Variants in KCNN2 observed in about 807,000 individuals in gnomAD.
KCNN2 encodes the protein small conductance calcium-activated potassium channel protein 2.
KCNN2 carries 24 observed loss-of-function variants against 55.5 expected under a neutral mutation model. The observed-to-expected ratio is 0.43, with a 90% CI of 0.31 to 0.61. KCNN2 has a LOEUF of 0.61. Ranked by LOEUF, KCNN2 falls within the 20% of genes least tolerant of loss-of-function variation. The pLI is 0.08. For synonymous variants in KCNN2, 431 were observed against 336.1 expected, an observed-to-expected ratio of 1.28 and a Z score of -3.09; for missense variants, 754 against 853.6, an observed-to-expected ratio of 0.88 and a Z score of 1.45.
intron 2 of KCNN2, among the ~76,000 whole-genome samples, chr5:114,398,754 T>C (rs1758696576): frequency 2.0e-5 from 3 of 152,168 alleles, no homozygotes; most frequent in African/African-American, 7.2e-5. Flanking sequence ...CAGAGATCTT[T>C]CATCTTCTTG....
At chr5:114,104,890 G>T (rs1400215899) in intron 1 of KCNN2, among the ~76,000 whole-genome samples, 6 of 152,006 alleles carry the variant, frequency 3.9e-5, no homozygotes, top group Non-Finnish European at 8.8e-5. Context: ...AAGATAAAGA[G>T]AGAGGATTGT....
At chr5:114,418,027 A>G (rs17353538) in intron 3 of KCNN2, among the ~76,000 whole-genome samples, 4,514 of 152,286 alleles carry the variant, frequency 0.03, 84 homozygotes, top group Middle Eastern at 0.054. Flanking sequence ...ATGTGTACCT[A>G]TCAGTTATAA....
intron 2 of KCNN2, among the ~76,000 whole-genome samples, chr5:114,332,139 C>T (rs1476507588): frequency 6.6e-6 from 1 of 152,082 alleles, no homozygotes; most frequent in Non-Finnish European, 1.5e-5. Flanking sequence ...ATTTCAAATG[C>T]CATGGAGATT....
intron 1 of KCNN2, among the ~76,000 whole-genome samples, chr5:114,067,850 A>G (rs1345001494): frequency 6.6e-6 from 1 of 152,228 alleles, no homozygotes; most frequent in Non-Finnish European, 1.5e-5. Context: ...ATTAATGACT[A>G]TTCTAAAATT....
chr5:114,159,723 T>C (rs571701465), intron 1 of KCNN2, among the ~76,000 whole-genome samples: 2 of 152,300 alleles, frequency 1.3e-5, no homozygotes, highest in Non-Finnish European at 2.9e-5. Context: ...CTTCCTGGTT[T>C]AGTCTTGGGA....
chr5:114,274,328 T>C (rs1755436189), intron 2 of KCNN2, among the ~76,000 whole-genome samples: 1 of 84,666 alleles, frequency 1.2e-5, no homozygotes, highest in African/African-American at 3.9e-5. Context: ...GGACTCTTTC[T>C]GGCTTCATAT....
intron 2 of KCNN2, among the ~76,000 whole-genome samples, chr5:114,334,316 C>T (rs1756879347): frequency 6.7e-6 from 1 of 148,830 alleles, no homozygotes; most frequent in African/African-American, 2.5e-5. Flanking sequence ...GTGTATAAGG[C>T]TCTGGCTGTT....
chr5:114,119,104 C>T (rs1473382238), intron 1 of KCNN2, among the ~76,000 whole-genome samples: 3 of 152,294 alleles, frequency 2.0e-5, no homozygotes, highest in Admixed American at 2.0e-4. Flanking sequence ...ATTACTAAAG[C>T]AGTATTGCCA....
intron 2 of KCNN2, among the ~76,000 whole-genome samples, chr5:114,263,661 T>C (rs1396414692): frequency 6.6e-6 from 1 of 152,178 alleles, no homozygotes; most frequent in African/African-American, 2.4e-5. Flanking sequence ...AAATTTTTTA[T>C]AAAATATAGA....
At chr5:114,297,943 G>T (rs565679852) in intron 2 of KCNN2, among the ~76,000 whole-genome samples, 1 of 152,148 alleles carries the variant, frequency 6.6e-6, no homozygotes, top group South Asian at 2.1e-4. Context: ...AAATGGAAAT[G>T]ATATTCCATT....
chr5:114,158,105 T>A (rs1752680477), intron 1 of KCNN2, among the ~76,000 whole-genome samples: 1 of 152,168 alleles, frequency 6.6e-6, no homozygotes, highest in East Asian at 1.9e-4. Context: ...TGGTATTGCC[T>A]AGGTTTTCTT....
In KCNN2 at chr5:114,475,482, C is replaced by G. The variant is rs1407350220; in HGVS notation, c.1890+2318C>G. 2.6e-5 allele frequency among the ~76,000 whole-genome samples: 4 copies of G among 152,196 alleles called. No homozygotes were observed. In the South Asian group the frequency reaches 6.2e-4, roughly 24 times the overall value. On this transcript the variant is annotated intron_variant, in intron 5 of 7. Coordinates refer to ENST00000673685, the MANE Select transcript of KCNN2 (RefSeq NM_021614.4). ...TGACATCTTAGAAAGGACAGTCTCT[C>G]TTAAAAGATACTGAGTCTACTGAAT...
chr5:114,485,121 T>C (rs147751320), intron 5 of KCNN2, among the ~76,000 whole-genome samples: 15 of 152,300 alleles, frequency 9.8e-5, no homozygotes, highest in Non-Finnish European at 1.5e-4. Context: ...GGAATACAAA[T>C]TGAAATCAAG....
At chr5:114,385,398 A>G (rs1261583699) in intron 2 of KCNN2, among the ~76,000 whole-genome samples, 3 of 152,150 alleles carry the variant, frequency 2.0e-5, no homozygotes, top group Non-Finnish European at 2.9e-5. Context: ...ATCAATGCCT[A>G]TAGTGTTGTG....
At chr5:114,411,086 A>T (rs1759117104) in intron 3 of KCNN2, among the ~76,000 whole-genome samples, 1 of 152,194 alleles carries the variant, frequency 6.6e-6, no homozygotes, top group African/African-American at 2.4e-5. Flanking sequence ...TCAAATTAGC[A>T]TAGAGAACCT....
chr5:114,248,801 C>G (rs1479072528), intron 2 of KCNN2, among the ~76,000 whole-genome samples: 1 of 152,244 alleles, frequency 6.6e-6, no homozygotes. Flanking sequence ...ATAATATTAA[C>G]AAATTTTTTT....
chr5:114,459,804 A>G (rs994256127), intron 3 of KCNN2, among the ~76,000 whole-genome samples: 2 of 152,226 alleles, frequency 1.3e-5, no homozygotes, highest in East Asian at 1.9e-4. Context: ...AAGCTCTTCA[A>G]TACAGGATGA....
At chr5:114,214,835 A>T (rs1753969957) in intron 1 of KCNN2, among the ~76,000 whole-genome samples, 1 of 152,146 alleles carries the variant, frequency 6.6e-6, no homozygotes, top group East Asian at 1.9e-4. Flanking sequence ...CTGAGCGAAA[A>T]TTTTAAAAGC....
chr5:114,078,816 C>G (rs1357122110), intron 1 of KCNN2, among the ~76,000 whole-genome samples: 1 of 152,116 alleles, frequency 6.6e-6, no homozygotes, highest in African/African-American at 2.4e-5. Flanking sequence ...GTTTAGTATT[C>G]CAAATCAGGA....
Sources: gnomAD v4.1 joint callset for allele counts (sites outside exome capture counted in the v4.1 genomes callset) on GRCh38, gnomAD v4.1.1 for gene constraint, MANE v1.5 for transcripts, NCBI Gene and HGNC (gene_info 2026-07-23, HGNC 2026-07-21) for gene names.